Variants in GSE1 observed in about 807,000 individuals in gnomAD.
GSE1 encodes Gse1 coiled-coil protein, also known as genetic suppressor element 1.
In GSE1, 32 loss-of-function variants were observed where a neutral mutation model predicts 112.6. The ratio of observed to expected loss-of-function variants is 0.28; its 90% CI spans 0.21 to 0.38. The LOEUF is 0.38. GSE1 is among the 10% of genes least tolerant of loss of function. The pLI, the probability that GSE1 is intolerant of heterozygous loss-of-function variation, is 1.00. For missense variants in GSE1, 2,348 were observed against 1,699.2 expected, an observed-to-expected ratio of 1.38 and a Z score of -6.71; for synonymous variants, 1,115 against 735.6, an observed-to-expected ratio of 1.52 and a Z score of -8.35.
chr16:85,607,218 G>T (rs1156750921), upstream of GSE1, among the ~76,000 whole-genome samples: 3 of 152,190 alleles, frequency 2.0e-5, no homozygotes, highest in African/African-American at 7.2e-5. Context: ...CCTCTCCAGA[G>T]GTGGGGGTCA....
intron 5 of GSE1, among the ~76,000 whole-genome samples, chr16:85,655,356 G>C (rs1005129956): frequency 6.6e-6 from 1 of 152,228 alleles, no homozygotes; most frequent in Non-Finnish European, 1.5e-5. Context: ...TGGGTCCGTG[G>C]AGAAGCTCTG....
chr16:85,355,209 G>C (rs1043203575), intron 1 of GSE1, among the ~76,000 whole-genome samples: 2 of 151,826 alleles, frequency 1.3e-5, no homozygotes, highest in African/African-American at 4.8e-5. Flanking sequence ...GGGTTTTATA[G>C]CACTAATCCC....
At chr16:85,609,435 C>G (rs2047864544), upstream of GSE1, among the ~76,000 whole-genome samples, 1 of 152,194 alleles carries the variant, frequency 6.6e-6, no homozygotes, top group Non-Finnish European at 1.5e-5. Context: ...TGAAGGCTTA[C>G]TGGAATTTTC....
intron 1 of GSE1, among the ~76,000 whole-genome samples, chr16:85,625,884 C>G (rs535463318): frequency 2.6e-4 from 40 of 152,168 alleles, no homozygotes; most frequent in African/African-American, 9.6e-4. Flanking sequence ...TGGCAGAGGA[C>G]AGGTCTACAC....
At chr16:85,420,355 C>T (rs2048807547) in intron 2 of GSE1, among the ~76,000 whole-genome samples, 1 of 152,140 alleles carries the variant, frequency 6.6e-6, no homozygotes, top group African/African-American at 2.4e-5. Flanking sequence ...CGTGAGGGAA[C>T]GTACTTCTGT....
chr16:85,553,448 G>C (rs1224165857), upstream of GSE1, among the ~76,000 whole-genome samples: 1 of 151,890 alleles, frequency 6.6e-6, no homozygotes, highest in South Asian at 2.1e-4. Context: ...CGGCGGGCGC[G>C]GGCGGCCCCG....
chr16:85,199,811 GA>G (rs906653263), intron 1 of GSE1, among the ~76,000 whole-genome samples: 2 of 152,148 alleles, frequency 1.3e-5, no homozygotes, highest in Non-Finnish European at 2.9e-5. Context: ...GTGGCTGGCA[GA>G]CCCCCGTGTG....
At chr16:85,287,912 A>T (rs1174394959) in intron 1 of GSE1, among the ~76,000 whole-genome samples, 1 of 152,126 alleles carries the variant, frequency 6.6e-6, no homozygotes, top group Admixed American at 6.5e-5. Flanking sequence ...GCACGGAAGT[A>T]TTTGTGGAAG....
At position 85,448,034 on chromosome 16, in the gene GSE1, G is replaced by A. The variant is rs528022899; in HGVS notation, c.2464+90391G>A. ...GGAGAAGCAGAGCTGGGAAGGAAGC[G>A]TAGGGCACCTGGCAGCCAGCGAGGG... On this transcript the variant is annotated intron_variant, in intron 2 of 2. Coordinates refer to the GSE1 transcript ENST00000637419. 1.1e-4 allele frequency among the ~76,000 whole-genome samples: 17 copies of A among 152,294 alleles called. No individual in the cohort carries two copies. In the East Asian group the frequency reaches 1.5e-3, roughly 14 times the overall value.
chr16:85,362,145 A>G (rs1290795820), intron 2 of GSE1, among the ~76,000 whole-genome samples: 1 of 152,232 alleles, frequency 6.6e-6, no homozygotes, highest in East Asian at 1.9e-4. Context: ...GGCAAGGCCC[A>G]AACGGACTGA....
At chr16:85,440,421 C>T (rs776229178) in intron 2 of GSE1, among the ~76,000 whole-genome samples, 4 of 152,334 alleles carry the variant, frequency 2.6e-5, no homozygotes, top group South Asian at 2.1e-4. Context: ...CTGGGGGAGG[C>T]GCTTCCTTGG....
Position 85,391,098 on chromosome 16 carries a change from G to A in GSE1, c.2464+33455G>A, listed in dbSNP as rs191896320. Among the ~76,000 whole-genome samples the A allele has an allele frequency of 2.8e-3, 422 of 152,158 alleles. 3 individuals are homozygous for A. The highest frequency in any genetic ancestry group is 9.6e-3 in the African/African-American group (399 of 41,536). ...AGCTCCCAGGCACCGCCCCCCCACCGCCCCAGCTGGCAGCCCCAGCACCTC... is the reference window on the plus strand; with the variant it reads ...AGCTCCCAGGCACCGCCCCCCCACCACCCCAGCTGGCAGCCCCAGCACCTC... On this transcript the variant is annotated intron_variant, in intron 2 of 2. Transcript: ENST00000637419.
chr16:85,596,273 GC>G (rs1169187971), intron 1 of GSE1, among the ~76,000 whole-genome samples: 3 of 152,170 alleles, frequency 2.0e-5, no homozygotes, highest in African/African-American at 7.2e-5. Flanking sequence ...CACCTTAGCT[GC>G]AGAACGCATC....
chr16:85,644,231 C>T (rs758019184), intron 2 of GSE1, among the ~76,000 whole-genome samples: 20 of 151,796 alleles, frequency 1.3e-4, no homozygotes, highest in Non-Finnish European at 2.8e-4. Context: ...CCCGGCTCCT[C>T]AGGAGGCTGA....
intron 1 of GSE1, among the ~76,000 whole-genome samples, chr16:85,338,074 G>A (rs1276535525): frequency 6.6e-6 from 1 of 152,224 alleles, no homozygotes; most frequent in Non-Finnish European, 1.5e-5. Flanking sequence ...GGACCTGTGG[G>A]TGCTGGCCCT....
At chr16:85,471,676 A>T (rs1482068532) in intron 2 of GSE1, among the ~76,000 whole-genome samples, 1 of 152,020 alleles carries the variant, frequency 6.6e-6, no homozygotes, top group East Asian at 1.9e-4. Context: ...AAGTACAAGG[A>T]TTACAGACAT....
At chr16:85,454,249 T>G (rs2049763145) in intron 2 of GSE1, among the ~76,000 whole-genome samples, 1 of 152,160 alleles carries the variant, frequency 6.6e-6, no homozygotes, top group Non-Finnish European at 1.5e-5. Context: ...GCATTGGTGG[T>G]GTGTAATTTT....
Position 85,519,887 on chromosome 16 carries a change from G to A in GSE1, c.2465-114027G>A, listed in dbSNP as rs137905700. On this transcript the variant is annotated intron_variant, in intron 2 of 2. Coordinates refer to the GSE1 transcript ENST00000637419. The stretch of plus-strand genomic sequence containing the variant: ...GGTGCTCTGGGATTCTAGAAAGCCC[G>A]GCTGGGGGTAAGGAGAAGGAAGGCA... Among the ~76,000 whole-genome samples, 6 of 152,294 alleles carry A rather than the reference G, an allele frequency of 3.9e-5. No homozygotes were observed. The South Asian group carries it at 6.2e-4, about 16-fold the overall frequency.
intron 2 of GSE1, among the ~76,000 whole-genome samples, chr16:85,396,218 A>C (rs2047962068): frequency 6.6e-6 from 1 of 152,078 alleles, no homozygotes; most frequent in Non-Finnish European, 1.5e-5. Context: ...CCCCAAGTCC[A>C]TGGAGGCAGG....
Sources: gnomAD v4.1 joint callset for allele counts (sites outside exome capture counted in the v4.1 genomes callset) on GRCh38, gnomAD v4.1.1 for gene constraint, MANE v1.5 for transcripts, NCBI Gene and HGNC (gene_info 2026-07-23, HGNC 2026-07-21) for gene names.